SGCZ: variants seen among roughly 807,000 people sequenced by gnomAD.
SGCZ encodes zeta-sarcoglycan.
Under a neutral mutation model 41.3 loss-of-function variants are expected in SGCZ, and 40 were observed. That is an observed-to-expected ratio of 0.97 (90% CI 0.75 to 1.26). SGCZ has a LOEUF of 1.26. SGCZ is among the 50% of genes most tolerant of loss of function. The pLI is 0.00. For missense variants in SGCZ, 552 were observed against 369.8 expected (o/e 1.49, Z -4.04); for synonymous variants, 206 against 137.5 (o/e 1.50, Z -3.49).
chr8:14,469,168 A>G (rs1227930084), intron 2 of SGCZ, among the ~76,000 whole-genome samples: 3 of 152,120 alleles, frequency 2.0e-5, no homozygotes. Context: ...AAGGAAAAAC[A>G]TGGCTTTTAA....
chr8:15,202,138 C>A (rs949680760), intron 1 of SGCZ, among the ~76,000 whole-genome samples: 10 of 152,118 alleles, frequency 6.6e-5, no homozygotes, highest in Non-Finnish European at 1.3e-4. Flanking sequence ...AACCAAGATC[C>A]TTGGTCAAAA....
intron 1 of SGCZ, among the ~76,000 whole-genome samples, chr8:14,643,355 G>A (rs35846664): frequency 6.6e-6 from 1 of 151,386 alleles, no homozygotes; most frequent in Non-Finnish European, 1.5e-5. Flanking sequence ...GATATATTTG[G>A]ATTCATGAAT....
intron 4 of SGCZ, among the ~76,000 whole-genome samples, chr8:14,230,217 G>C (rs773112200): frequency 2.6e-5 from 4 of 152,028 alleles, no homozygotes; most frequent in Non-Finnish European, 4.4e-5. Flanking sequence ...ACTTGGAACA[G>C]AAAAGAGTCG....
At chr8:14,704,189 A>T (rs1809256652) in intron 1 of SGCZ, among the ~76,000 whole-genome samples, 1 of 152,018 alleles carries the variant, frequency 6.6e-6, no homozygotes, top group African/African-American at 2.4e-5. Flanking sequence ...ATGCATACTC[A>T]TAGATGTTTA....
chr8:14,370,331 C>T (rs970041932), intron 2 of SGCZ, among the ~76,000 whole-genome samples: 4 of 151,896 alleles, frequency 2.6e-5, no homozygotes, highest in South Asian at 2.1e-4. Context: ...TTCATGTAAA[C>T]AGCCTGTAGT....
chr8:14,090,828 C>G (rs1801667659), intron 7 of SGCZ, among the ~76,000 whole-genome samples, 191 bp from the exon 8 acceptor site: 1 of 151,994 alleles, frequency 6.6e-6, no homozygotes, highest in African/African-American at 2.4e-5. Context: ...GCTATCTTCT[C>G]CTTTGGGAGA....
chr8:15,170,651 C>G (rs17472085), intron 1 of SGCZ, among the ~76,000 whole-genome samples: 53,574 of 152,098 alleles, frequency 0.35, 12,307 homozygotes, highest in Non-Finnish European at 0.48. Flanking sequence ...TTTAAACTTT[C>G]TATGCACGCT....
intron 1 of SGCZ, among the ~76,000 whole-genome samples, chr8:15,171,748 T>A (rs537745291): frequency 6.6e-6 from 1 of 152,244 alleles, no homozygotes; most frequent in Non-Finnish European, 1.5e-5. Context: ...ATGATTTGCA[T>A]GCAATCTCAG....
At chr8:15,151,876 T>C (rs1799189144) in intron 1 of SGCZ, among the ~76,000 whole-genome samples, 1 of 152,184 alleles carries the variant, frequency 6.6e-6, no homozygotes, top group Non-Finnish European at 1.5e-5. Context: ...CAGAGAACTC[T>C]TGATTCTAAT....
At chr8:14,676,223 G>A (rs2117525699) in intron 1 of SGCZ, among the ~76,000 whole-genome samples, 1 of 152,296 alleles carries the variant, frequency 6.6e-6, no homozygotes, top group East Asian at 1.9e-4. Flanking sequence ...TGCAATGCCA[G>A]AACTTTTGGA....
intron 1 of SGCZ, among the ~76,000 whole-genome samples, chr8:15,143,184 A>G (rs7821571): frequency 2.0e-5 from 3 of 152,226 alleles, no homozygotes; most frequent in African/African-American, 7.2e-5. Flanking sequence ...AAATAAGAAA[A>G]AATTTCATTA....
intron 7 of SGCZ, among the ~76,000 whole-genome samples, chr8:14,092,140 T>C (rs1325513969): frequency 6.6e-6 from 1 of 152,096 alleles, no homozygotes; most frequent in African/African-American, 2.4e-5. Context: ...ATATCTAGTG[T>C]TATTGCTGAG....
At chr8:14,619,463 A>G (rs1806213608) in intron 1 of SGCZ, among the ~76,000 whole-genome samples, 1 of 152,212 alleles carries the variant, frequency 6.6e-6, no homozygotes, top group East Asian at 1.9e-4. Context: ...GAGGAAAAAA[A>G]TAAAGGGTAT....
In SGCZ at chr8:14,311,437, T is replaced by C. The variant is rs139680141; in HGVS notation, c.336+12666A>G. ...GCTACTGACAGGAGGATATGGGTGC[T>C]GAGTCAGTTACATTTACACAGATAG... On this transcript the variant is annotated intron_variant, in intron 3 of 7. Coordinates refer to ENST00000382080, the MANE Select transcript of SGCZ (RefSeq NM_139167.4). Among the ~76,000 whole-genome samples the C allele has an allele frequency of 1.6e-3, 241 of 152,242 alleles. No individual in the cohort carries two copies. The Middle Eastern group carries it at 0.02, about 13-fold the overall frequency.
rs557216312 is a variant in SGCZ at position 14,780,205 on chromosome 8, C to T, written c.40-225279G>A. On this transcript the variant is annotated intron_variant, in intron 1 of 7. Coordinates refer to ENST00000382080, the MANE Select transcript of SGCZ (RefSeq NM_139167.4). ...CTGGATAACACGGTGAAACCCCGTCCCTACTAAAAATACAAAAAAATTAGC... is the reference window on the plus strand; with the variant it reads ...CTGGATAACACGGTGAAACCCCGTCTCTACTAAAAATACAAAAAAATTAGC... Among the ~76,000 whole-genome samples, 86 of 151,668 alleles carry T rather than the reference C, an allele frequency of 5.7e-4. 3 individuals carry two copies. In the South Asian group the frequency reaches 0.017, roughly 30 times the overall value.
At chr8:14,162,989 G>A (rs1407332763) in intron 5 of SGCZ, among the ~76,000 whole-genome samples, 4 of 152,246 alleles carry the variant, frequency 2.6e-5, no homozygotes. Context: ...TCCCACATCA[G>A]CCTCCTGAGT....
intron 2 of SGCZ, among the ~76,000 whole-genome samples, chr8:14,478,593 A>C (rs1801430009): frequency 6.6e-6 from 1 of 151,492 alleles, no homozygotes; most frequent in South Asian, 2.1e-4. Context: ...CTACTGTAAA[A>C]GACTGTAACT....
chr8:14,440,339 G>C (rs1224525109), intron 2 of SGCZ, among the ~76,000 whole-genome samples: 1 of 151,970 alleles, frequency 6.6e-6, no homozygotes, highest in Non-Finnish European at 1.5e-5. Flanking sequence ...TGTAGCTTAA[G>C]GAAATCTTAG....
chr8:14,229,192 A>C (rs1041283026), intron 4 of SGCZ, among the ~76,000 whole-genome samples: 1 of 152,154 alleles, frequency 6.6e-6, no homozygotes, highest in African/African-American at 2.4e-5. Flanking sequence ...TAAATATTTC[A>C]GCCAGTCCAT....
Sources: gnomAD v4.1 joint callset for allele counts (sites outside exome capture counted in the v4.1 genomes callset) on GRCh38, gnomAD v4.1.1 for gene constraint, MANE v1.5 for transcripts, NCBI Gene and HGNC (gene_info 2026-07-23, HGNC 2026-07-21) for gene names.